Variants in ZNF687 observed in about 807,000 individuals in gnomAD.
The protein encoded by ZNF687 is zinc finger protein 687.
ZNF687 carries 13 observed loss-of-function variants against 71.8 expected under a neutral mutation model. The ratio of observed to expected loss-of-function variants is 0.18; its 90% CI spans 0.12 to 0.29. The LOEUF (loss-of-function observed/expected upper bound fraction) is 0.29. ZNF687 is among the 10% of genes least tolerant of loss of function. The pLI, the probability that ZNF687 is intolerant of heterozygous loss-of-function variation, is 1.00. For synonymous variants in ZNF687, 673 were observed against 641.6 expected (o/e 1.05, Z -0.74); for missense variants, 1,412 against 1,625.6 (o/e 0.87, Z 2.26).
rs61818002 is a variant in ZNF687 at position 151,289,879 on chromosome 1, C to A, written c.2836C>A (p.Arg946=). ...CCCCCGTCCAGCCAAACGGCCTCGG[C>A]GGGAACTAGGGAGCAAAGGCCTCAA... is the stretch of plus-strand genomic sequence containing the variant. ...EPPRPAKRPR[R]ELGSKGLKGG... Residue 946 remains arginine (R), a synonymous_variant, in exon 6 of 9, where the codon CGG becomes AGG. Transcript: ENST00000336715. 7,427 of 1,562,702 alleles carry A rather than the reference C, an allele frequency of 4.8e-3. 30 individuals are homozygous for A. Among genetic ancestry groups the A allele is most frequent in the Admixed American group, 9.3e-3 (486 of 52,140 alleles).
At chr1:151,282,081 T>G (rs777568586), upstream of ZNF687, 24 of 1,284,084 alleles carry the variant, frequency 1.9e-5, no homozygotes, top group African/African-American at 2.3e-4. Flanking sequence ...TGGGGAGAGG[T>G]ATCTTCAGAG....
rs764378054 is a variant in ZNF687 at position 151,287,883 on chromosome 1, C to T, written c.1592C>T (p.Thr531Ile). ...PAEAGLALPPTGYRCLECGDA... is the reference protein window; with the variant it reads ...PAEAGLALPPIGYRCLECGDA... ...GAGGCTGGGCTGGCCCTGCCTCCCA[C>T]CGGCTACCGCTGCCTGGAGTGTGGG... The change falls in exon 2 of 9, where the codon ACC becomes ATC. Residue 531 changes from threonine to isoleucine, a missense_variant. Physicochemically the swap from Thr to Ile is moderately conservative, Grantham distance 89. This residue lies in a region of ZNF687 where 50 missense variants were observed against 106.6 expected (regional missense o/e 0.47). Coordinates refer to ENST00000336715, the MANE Select transcript of ZNF687 (RefSeq NM_020832.3). The surrounding 1 kb of genome is among the most constrained non-coding windows in gnomAD (Gnocchi z 5.0). 1.1e-5 allele frequency: 18 copies of T among 1,613,824 alleles called. No homozygotes were observed. The highest frequency in any genetic ancestry group is 1.4e-5 in the Non-Finnish European group (16 of 1,180,048).
chr1:151,288,344 A>G lies in ZNF687; in HGVS notation c.2053A>G (p.Lys685Glu), dbSNP rs1283800826. The G allele has an allele frequency of 1.2e-6, 2 of 1,611,000 alleles. No individual in the cohort carries two copies. Among genetic ancestry groups the G allele is most frequent in the Admixed American group, 1.7e-5 (1 of 60,012 alleles). Reference sequence around the variant, plus strand: ...GGAGTGCAAGGAACAGTGCCGGGACAAGGCTGGCATGGCAGCTCACTTCCA... The same window carrying G: ...GGAGTGCAAGGAACAGTGCCGGGACGAGGCTGGCATGGCAGCTCACTTCCA... ...CLECKEQCRD[K>E]AGMAAHFQQL... The change falls in exon 2 of 9, where the codon AAG becomes GAG. Residue 685 changes from lysine to glutamate, a missense_variant. By Grantham distance (56) the Lys-to-Glu change is moderately conservative. Around this residue, in one of 8 missense-constraint regions of ZNF687, gnomAD observed 207 missense variants for 239.2 expected, o/e 0.87. Coordinates refer to ENST00000336715, the MANE Select transcript of ZNF687 (RefSeq NM_020832.3).
In ZNF687 at chr1:151,287,108, C is replaced by T; in HGVS notation, c.817C>T (p.Leu273Phe). 6.2e-7 allele frequency: 1 copy of T among 1,614,130 alleles called. No homozygotes were observed. Among genetic ancestry groups the T allele is most frequent in the Non-Finnish European group, 8.5e-7 (1 of 1,180,000 alleles). Residue 273 changes from leucine to phenylalanine, a missense_variant, in exon 2 of 9, where the codon CTT (leucine) becomes TTT (phenylalanine). Leu to Phe is a conservative substitution (Grantham distance 22, BLOSUM62 0). Around this residue, in one of 8 missense-constraint regions of ZNF687, gnomAD observed 490 missense variants for 489.9 expected, o/e 1.00. Coordinates refer to ENST00000336715, the MANE Select transcript of ZNF687 (RefSeq NM_020832.3). The surrounding 1 kb of genome is among the most constrained non-coding windows in gnomAD (Gnocchi z 5.0). ...FKQSPGHQSP[L>F]ASPKVPVCQP... ...GCAGTCTCCAGGGCACCAGAGCCCT[C>T]TTGCCTCCCCCAAAGTGCCCGTCTG...
Position 151,288,260 on chromosome 1 carries a change from C to T in ZNF687, c.1969C>T (p.Leu657Phe), listed in dbSNP as rs587707391. ...TGCTGCTGAGGCCCCTGTCCTGCCG[C>T]TCTCCACAGAGCCGCCTGCTGCCCC... ...TVAAEAPVLP[L>F]STEPPAAPAT... Residue 657 changes from leucine (L) to phenylalanine (F), a missense_variant, in exon 2 of 9, where the codon CTC becomes TTC. Around this residue, in one of 8 missense-constraint regions of ZNF687, gnomAD observed 207 missense variants for 239.2 expected, o/e 0.87. Transcript: ENST00000336715. 150 of 1,613,748 alleles carry T rather than the reference C, an allele frequency of 9.3e-5. No individual in the cohort carries two copies. In the East Asian group the frequency reaches 3.2e-3, roughly 34 times the overall value.
upstream of ZNF687, chr1:151,281,548 G>A (rs587684376): frequency 4.1e-4 from 195 of 471,176 alleles, 4 homozygotes; most frequent in South Asian, 2.9e-3. Context: ...CCAACCTTTA[G>A]GTCCCGATTC....
rs1693977007 is a variant in ZNF687 at position 151,287,019 on chromosome 1, C to T, written c.728C>T (p.Pro243Leu). The T allele has an allele frequency of 6.2e-7, 1 of 1,606,198 alleles. No individual in the cohort carries two copies. The highest frequency in any genetic ancestry group is 1.3e-5 in the African/African-American group (1 of 74,746). ...VLAQQGSGSSPKATDIPASAS... is the reference protein window; with the variant it reads ...VLAQQGSGSSLKATDIPASAS... ...GCCCAACAAGGCTCAGGCTCCAGCC[C>T]TAAGGCCACGGACATCCCTGCCAGT... Residue 243 changes from proline (P) to leucine (L), a missense_variant, in exon 2 of 9, where the codon CCT becomes CTT. Around this residue, in one of 8 missense-constraint regions of ZNF687, gnomAD observed 490 missense variants for 489.9 expected, o/e 1.00. Coordinates refer to ENST00000336715, the MANE Select transcript of ZNF687 (RefSeq NM_020832.3). The surrounding 1 kb of genome is among the most constrained non-coding windows in gnomAD (Gnocchi z 5.0).
At chr1:151,283,990 T>TA (rs1693842878) in intron 1 of ZNF687, 1 of 985,316 alleles carries the variant, frequency 1.0e-6, no homozygotes, top group African/African-American at 1.7e-5. Context: ...GAGACACTGG[T>TA]AGGGGACAGA....
In ZNF687 at chr1:151,287,082, A is replaced by G. The variant is rs1272858219; in HGVS notation, c.791A>G (p.Lys264Arg). The change falls in exon 2 of 9, where the codon AAG becomes AGG. Residue 264 changes from lysine to arginine, a missense_variant. By Grantham distance (26) the Lys-to-Arg change is conservative. Around this residue, in one of 8 missense-constraint regions of ZNF687, gnomAD observed 490 missense variants for 489.9 expected, o/e 1.00. Transcript: ENST00000336715. This position sits in a 1 kb window ranked among gnomAD's most constrained non-coding sequence, Gnocchi z 5.0. Reference sequence around the variant, plus strand: ...CCAGTTGCTGGGGTGCCCTTCTTCAAGCAGTCTCCAGGGCACCAGAGCCCT... The same window carrying G: ...CCAGTTGCTGGGGTGCCCTTCTTCAGGCAGTCTCCAGGGCACCAGAGCCCT... ...PPPVAGVPFF[K>R]QSPGHQSPLA... 1.2e-6 allele frequency: 2 copies of G among 1,613,720 alleles called. No homozygotes were observed. Among genetic ancestry groups the G allele is most frequent in the East Asian group, 4.5e-5 (2 of 44,862 alleles).
At position 151,289,977 on chromosome 1, in the gene ZNF687, C is replaced by T. The variant is rs150185392; in HGVS notation, c.2934C>T (p.Tyr978=). The change falls in exon 6 of 9, where the codon TAC becomes TAT. Residue 978 remains tyrosine, a synonymous_variant. Coordinates refer to ENST00000336715, the MANE Select transcript of ZNF687 (RefSeq NM_020832.3). ...CCTGGTTCCCTGAGCGTGATGAATA[C>T]GTGGCCCACATGAAGAAGGAGCATG... The part of the protein sequence containing the change: ...CHSWFPERDE[Y]VAHMKKEHGK... 5.8e-5 allele frequency: 91 copies of T among 1,580,180 alleles called. No individual in the cohort carries two copies. In the Middle Eastern group the frequency reaches 6.8e-4, roughly 12 times the overall value.
intron 1 of ZNF687, chr1:151,283,219 G>A: frequency 1.0e-6 from 1 of 985,408 alleles, no homozygotes; most frequent in Non-Finnish European, 1.2e-6. Context: ...CTCGGCAGAT[G>A]GCAGGGACTT....
chr1:151,284,559 C>T (rs1029996527), intron 1 of ZNF687, among the ~76,000 whole-genome samples: 1 of 152,152 alleles, frequency 6.6e-6, no homozygotes, highest in African/African-American at 2.4e-5. Context: ...TCTCCAGGTG[C>T]CAGTGATGGC....
chr1:151,287,259 GCTC>G lies in ZNF687; in HGVS notation c.972_974del (p.Ser325del), dbSNP rs1693992684. On this transcript the variant is annotated inframe_deletion, in exon 2 of 9. Coordinates refer to ENST00000336715, the MANE Select transcript of ZNF687 (RefSeq NM_020832.3). This position sits in a 1 kb window ranked among gnomAD's most constrained non-coding sequence, Gnocchi z 5.0. Reference sequence around the variant, plus strand: ...GACAGCAATGACTCCCCTGCCTCCAGCTCCTCTAGGCCTCTTAAGGTGCGGATC... The same window carrying G: ...GACAGCAATGACTCCCCTGCCTCCAGCTCTAGGCCTCTTAAGGTGCGGATC... 1 of 1,614,060 alleles carries G rather than the reference GCTC, an allele frequency of 6.2e-7. No homozygotes were observed. The highest frequency in any genetic ancestry group is 1.3e-5 in the African/African-American group (1 of 74,924).
chr1:151,286,669 T>C lies in ZNF687; in HGVS notation c.378T>C (p.Gly126=), dbSNP rs745938939. Residue 126 remains glycine, a synonymous_variant, in exon 2 of 9, where the codon GGT becomes GGC. Coordinates refer to ENST00000336715, the MANE Select transcript of ZNF687 (RefSeq NM_020832.3). ...GPVGPHRMQN[G]FGSPEPSLPG... ...TGGGGCCTCATCGAATGCAGAATGGTTTTGGGAGCCCTGAACCTTCCCTCC... is the reference window on the plus strand; with the variant it reads ...TGGGGCCTCATCGAATGCAGAATGGCTTTGGGAGCCCTGAACCTTCCCTCC... 6.2e-7 allele frequency: 1 copy of C among 1,614,058 alleles called. No individual in the cohort carries two copies. Among genetic ancestry groups the C allele is most frequent in the East Asian group, 2.2e-5 (1 of 44,868 alleles).
In ZNF687 at chr1:151,289,381, G is replaced by A. The variant is rs765249992; in HGVS notation, c.2475G>A (p.Leu825=). The A allele has an allele frequency of 1.2e-6, 2 of 1,614,160 alleles. No homozygotes were observed. The highest frequency in any genetic ancestry group is 1.7e-6 in the Non-Finnish European group (2 of 1,180,040). Residue 825 remains leucine, a synonymous_variant, in exon 5 of 9, where the codon CTG becomes CTA. Transcript: ENST00000336715. ...GTCTGCACTGTCCTCACTTCAGGCT[G>A]ATCTACAAGTGCGCCATGTGCGACA... ...HPSFQTQQAK[L]IYKCAMCDTV...
rs763792677 is a variant in ZNF687 at position 151,286,879 on chromosome 1, C to T, written c.588C>T (p.Pro196=). ...GGGCTCTGACCCCGCCTCCTTTCCCCTCTTCCTTTGAGCTGGCCCAGGAGA... is the reference window on the plus strand; with the variant it reads ...GGGCTCTGACCCCGCCTCCTTTCCCTTCTTCCTTTGAGCTGGCCCAGGAGA... ...REGALTPPPF[P]SSFELAQENG... Residue 196 remains proline (P), a synonymous_variant, in exon 2 of 9, where the codon CCC becomes CCT. Coordinates refer to ENST00000336715, the MANE Select transcript of ZNF687 (RefSeq NM_020832.3). 1 of 1,613,342 alleles carries T rather than the reference C, an allele frequency of 6.2e-7. No individual in the cohort carries two copies. Among genetic ancestry groups the T allele is most frequent in the South Asian group, 1.1e-5 (1 of 90,986 alleles).
chr1:151,284,067 TTTTTAA>T, intron 1 of ZNF687: 1 of 985,440 alleles, frequency 1.0e-6, no homozygotes, highest in Non-Finnish European at 1.2e-6. Context: ...TCTTGTGGGA[TTTTTAA>T]TTTTATTTTT....
chr1:151,288,479 G>A (rs1352869435), intron 2 of ZNF687, 49 bp from the exon 3 acceptor site: 4 of 1,579,234 alleles, frequency 2.5e-6, no homozygotes, highest in East Asian at 4.5e-5. Context: ...TAGAAGTAAT[G>A]GAGACAGGAC....
At position 151,289,864 on chromosome 1, in the gene ZNF687, G is replaced by A. The variant is rs1375775953; in HGVS notation, c.2821G>A (p.Ala941Thr). 8.3e-6 allele frequency: 13 copies of A among 1,566,512 alleles called. No homozygotes were observed. The highest frequency in any genetic ancestry group is 1.1e-5 in the Non-Finnish European group (13 of 1,154,842). The change falls in exon 6 of 9, where the codon GCC becomes ACC. Residue 941 changes from alanine to threonine, a missense_variant. Transcript: ENST00000336715. ...CAGCTCCCCTGAGCCCCCCCGTCCA[G>A]CCAAACGGCCTCGGCGGGAACTAGG... is the stretch of plus-strand genomic sequence containing the variant. ...VPSSPEPPRPAKRPRRELGSK... is the reference protein window; with the variant it reads ...VPSSPEPPRPTKRPRRELGSK...
Sources: gnomAD v4.1 joint callset for allele counts (sites outside exome capture counted in the v4.1 genomes callset) on GRCh38, gnomAD v4.1.1 for gene constraint, gnomAD v4.1.1 regional missense constraint, Gnocchi (gnomAD v3.1) non-coding constraint, MANE v1.5 for transcripts, NCBI Gene and HGNC (gene_info 2026-07-23, HGNC 2026-07-21) for gene names.